The following SCN11A variants were observed in gnomAD, a reference collection of about 807,000 sequenced individuals.
SCN11A encodes the protein sodium channel protein type 11 subunit alpha.
A neutral mutation model predicts 162.2 loss-of-function variants in SCN11A; 122 were observed. The ratio of observed to expected loss-of-function variants is 0.75; its 90% CI spans 0.65 to 0.87. SCN11A has a LOEUF of 0.87. Ranked by LOEUF, SCN11A falls within the 40% of genes least tolerant of loss-of-function variation. The pLI is 0.00. For missense variants in SCN11A, 2,015 were observed against 2,181.6 expected, an observed-to-expected ratio of 0.92 and a Z score of 1.52; for synonymous variants, 758 against 751.5, an observed-to-expected ratio of 1.01 and a Z score of -0.14.
chr3:38,979,355 T>C (rs1381094866), intron 2 of SCN11A, among the ~76,000 whole-genome samples: 2 of 152,236 alleles, frequency 1.3e-5, no homozygotes, highest in African/African-American at 2.4e-5. Flanking sequence ...GTGAGAGATA[T>C]TGTAAGCTTT....
intron 19 of SCN11A, 81 bp from the exon 20 acceptor site, chr3:38,886,319 G>T: frequency 1.1e-6 from 1 of 875,976 alleles, no homozygotes; most frequent in South Asian, 1.9e-5. Context: ...ATGCTATTTG[G>T]TTTTCTCTTT....
chr3:38,874,476 T>C (rs1395120638), intron 23 of SCN11A, among the ~76,000 whole-genome samples: 1 of 152,124 alleles, frequency 6.6e-6, no homozygotes, highest in Non-Finnish European at 1.5e-5. Flanking sequence ...TGGGCGCCTG[T>C]AGTCCCAGCT....
intron 7 of SCN11A, among the ~76,000 whole-genome samples, chr3:38,935,485 C>A (rs2066316031): frequency 1.3e-5 from 2 of 151,844 alleles, no homozygotes; most frequent in Non-Finnish European, 2.9e-5. Context: ...CCTAGCAAGA[C>A]TAATAAAGAA....
chr3:38,951,511 G>C (rs1478081834), intron 4 of SCN11A, among the ~76,000 whole-genome samples: 1 of 152,248 alleles, frequency 6.6e-6, no homozygotes, highest in African/African-American at 2.4e-5. Flanking sequence ...CAGTCCCATC[G>C]ACCGCCCAAG....
Position 38,870,691 on chromosome 3 carries a change from C to T in SCN11A, c.3813G>A (p.Glu1271=), listed in dbSNP as rs140708025. The T allele has an allele frequency of 1.2e-6, 2 of 1,613,102 alleles. No homozygotes were observed. The highest frequency in any genetic ancestry group is 1.7e-6 in the Non-Finnish European group (2 of 1,179,130). Residue 1271 remains glutamate, a splice_region_variant and synonymous_variant, in exon 26 of 30, where the codon GAG becomes GAA. Transcript: ENST00000302328. The part of the protein sequence containing the change: ...DIIYAAVDST[E]KEQQPEFESN... ...AGAACATGGTAGAACACTGACTCAC[C>T]TCTGTGGAATCAACAGCTGCATATA...
At chr3:38,883,586 G>A (rs2065346492) in intron 21 of SCN11A, among the ~76,000 whole-genome samples, 199 bp from the exon 22 acceptor site, 1 of 152,170 alleles carries the variant, frequency 6.6e-6, no homozygotes, top group South Asian at 2.1e-4. Flanking sequence ...GAGTGGAATG[G>A]AAGTCACACT....
At chr3:39,031,979 C>T (rs2031771561) in intron 2 of SCN11A, among the ~76,000 whole-genome samples, 1 of 151,994 alleles carries the variant, frequency 6.6e-6, no homozygotes, top group African/African-American at 2.4e-5. Context: ...GTACATTTTA[C>T]TAACATAAAA....
At chr3:39,025,472 C>T (rs987383734) in intron 2 of SCN11A, among the ~76,000 whole-genome samples, 2 of 152,132 alleles carry the variant, frequency 1.3e-5, no homozygotes, top group Non-Finnish European at 2.9e-5. Context: ...GCTAAACAAG[C>T]GGTGGATTAT....
chr3:38,947,969 G>A (rs1049121001), intron 5 of SCN11A, among the ~76,000 whole-genome samples: 3 of 152,220 alleles, frequency 2.0e-5, no homozygotes, highest in East Asian at 1.9e-4. Flanking sequence ...CAGGCCCAAC[G>A]TTAGCACTGT....
intron 1 of SCN11A, among the ~76,000 whole-genome samples, chr3:39,035,094 A>C (rs2031869877): frequency 6.6e-6 from 1 of 152,182 alleles, no homozygotes; most frequent in African/African-American, 2.4e-5. Context: ...AATAAAAAAA[A>C]ATCCTAAAAT....
At chr3:39,031,038 GAAATGGA>G (rs1447903490) in intron 2 of SCN11A, among the ~76,000 whole-genome samples, 2 of 152,150 alleles carry the variant, frequency 1.3e-5, no homozygotes, top group African/African-American at 4.8e-5. Context: ...AAGCATTTTT[GAAATGGA>G]AAATGGACTG....
At chr3:38,887,520 G>A (rs1410053827) in intron 19 of SCN11A, among the ~76,000 whole-genome samples, 3 of 151,154 alleles carry the variant, frequency 2.0e-5, no homozygotes, top group African/African-American at 4.9e-5. Context: ...ACACCAACAT[G>A]GCATATGTAT....
chr3:38,938,521 TATATATATATATATATATATATATATA>T (rs2066376274), intron 7 of SCN11A, among the ~76,000 whole-genome samples: 2 of 14,726 alleles, frequency 1.4e-4, no homozygotes, highest in African/African-American at 3.1e-4. Flanking sequence ...TATATATATA[TATATATATATATATATATATATATATA>T]TATTTTTTTT....
intron 2 of SCN11A, among the ~76,000 whole-genome samples, chr3:38,968,734 C>T (rs539998715): frequency 2.3e-4 from 35 of 152,286 alleles, no homozygotes; most frequent in Non-Finnish European, 4.9e-4. Flanking sequence ...TGGCCTGAAG[C>T]CTACCTTGTT....
chr3:38,874,179 T>C (rs534854998), intron 23 of SCN11A, among the ~76,000 whole-genome samples: 7 of 152,344 alleles, frequency 4.6e-5, no homozygotes, highest in African/African-American at 1.7e-4. Context: ...ACCAATTAAA[T>C]TATTAGCAGT....
chr3:38,941,014 T>C (rs2066435617), intron 7 of SCN11A, among the ~76,000 whole-genome samples: 1 of 152,086 alleles, frequency 6.6e-6, no homozygotes, highest in African/African-American at 2.4e-5. Flanking sequence ...AGTTTCCCCT[T>C]AAAAGAAGGT....
chr3:38,959,765 A>T (rs1219533688), intron 3 of SCN11A, among the ~76,000 whole-genome samples: 1 of 152,250 alleles, frequency 6.6e-6, no homozygotes, highest in Non-Finnish European at 1.5e-5. Context: ...CTCTTCATAG[A>T]TCCCATAAGA....
intron 2 of SCN11A, among the ~76,000 whole-genome samples, chr3:38,966,732 C>T (rs745379649): frequency 3.3e-5 from 5 of 152,208 alleles, no homozygotes; most frequent in Non-Finnish European, 5.9e-5. Flanking sequence ...TTTGTACCCA[C>T]TGACCAATCT....
intron 28 of SCN11A, among the ~76,000 whole-genome samples, chr3:38,853,804 T>C (rs1223985061): frequency 6.6e-6 from 1 of 152,216 alleles, no homozygotes; most frequent in African/African-American, 2.4e-5. Flanking sequence ...TGCTCTGCTA[T>C]GGAGCATTCA....
Sources: gnomAD v4.1 joint callset for allele counts (sites outside exome capture counted in the v4.1 genomes callset) on GRCh38, gnomAD v4.1.1 for gene constraint, MANE v1.5 for transcripts, NCBI Gene and HGNC (gene_info 2026-07-23, HGNC 2026-07-21) for gene names.